SERGEF: variants seen among roughly 807,000 people sequenced by gnomAD.
SERGEF encodes secretion-regulating guanine nucleotide exchange factor.
A neutral mutation model predicts 50.0 loss-of-function variants in SERGEF; 51 were observed. That is an observed-to-expected ratio of 1.02 (90% CI 0.81 to 1.29). The LOEUF is 1.29. SERGEF is among the 50% of genes most tolerant of loss of function. SERGEF has a pLI of 0.00. For missense variants in SERGEF, 521 were observed against 557.0 expected (o/e 0.94, Z 0.65); for synonymous variants, 205 against 212.4 (o/e 0.97, Z 0.30).
chr11:17,960,035 C>T (rs564310041), intron 8 of SERGEF, among the ~76,000 whole-genome samples: 3 of 152,208 alleles, frequency 2.0e-5, no homozygotes, highest in Non-Finnish European at 4.4e-5. Context: ...TCCTCTCCCC[C>T]ACCCAACCCA....
intron 10 of SERGEF, among the ~76,000 whole-genome samples, chr11:17,801,288 T>C (rs1849665701): frequency 6.6e-6 from 1 of 151,900 alleles, no homozygotes. Flanking sequence ...GCTGAGAAGC[T>C]AGAGAGGGTT....
intron 8 of SERGEF, among the ~76,000 whole-genome samples, chr11:17,962,680 T>C (rs1019997683): frequency 6.6e-6 from 1 of 152,064 alleles, no homozygotes; most frequent in Non-Finnish European, 1.5e-5. Flanking sequence ...AAGTATAGAC[T>C]GCAAAAGATA....
chr11:18,006,831 G>A lies in SERGEF; in HGVS notation c.197-85C>T, dbSNP rs182887331. 7 of 1,489,654 alleles carry A rather than the reference G, an allele frequency of 4.7e-6. No homozygotes were observed. The African/African-American group carries it at 7.0e-5, about 15-fold the overall frequency. The allele number at this position is 1,489,654 out of a possible 1,614,324, so 92.3% of individuals were successfully genotyped here. ...AACAAAAAGATTTCACTAATTATTT[G>A]GACTCTCAGACCAATAACTTTTTTT... On this transcript the variant is annotated intron_variant, in intron 2 of 10. Coordinates refer to ENST00000265965, the MANE Select transcript of SERGEF (RefSeq NM_012139.4).
At chr11:17,887,396 T>G in intron 9 of SERGEF, among the ~76,000 whole-genome samples, 1 of 152,188 alleles carries the variant, frequency 6.6e-6, no homozygotes. Context: ...CTTAAGTTAC[T>G]CAGTACTTGT....
chr11:17,859,510 A>T (rs1850886561), intron 10 of SERGEF, among the ~76,000 whole-genome samples: 1 of 152,190 alleles, frequency 6.6e-6, no homozygotes, highest in South Asian at 2.1e-4. Context: ...AAGAAAAATA[A>T]GGAAAAAATT....
At chr11:17,929,107 T>C (rs906649389) in intron 9 of SERGEF, among the ~76,000 whole-genome samples, 4 of 152,220 alleles carry the variant, frequency 2.6e-5, no homozygotes, top group Admixed American at 2.6e-4. Context: ...TTTGTGAATA[T>C]AAAATCACTT....
chr11:17,914,873 A>T (rs751207097), intron 9 of SERGEF, among the ~76,000 whole-genome samples: 1 of 152,220 alleles, frequency 6.6e-6, no homozygotes, highest in African/African-American at 2.4e-5. Flanking sequence ...GCTCTCATGG[A>T]GTTTAAATTC....
intron 9 of SERGEF, among the ~76,000 whole-genome samples, chr11:17,941,048 C>T (rs1852553901): frequency 6.6e-6 from 1 of 152,162 alleles, no homozygotes; most frequent in African/African-American, 2.4e-5. Flanking sequence ...CACTCATATT[C>T]CTACTACCTA....
chr11:17,942,631 C>T, intron 9 of SERGEF, among the ~76,000 whole-genome samples: 1 of 152,060 alleles, frequency 6.6e-6, no homozygotes, highest in Non-Finnish European at 1.5e-5. Context: ...TGGCTAGAAC[C>T]TCCATCCAGT....
intron 9 of SERGEF, among the ~76,000 whole-genome samples, chr11:17,921,316 G>A (rs1018130612): frequency 6.6e-6 from 1 of 152,216 alleles, no homozygotes; most frequent in South Asian, 2.1e-4. Flanking sequence ...ACAGAAGGAT[G>A]ATAATGAAAG....
At chr11:17,919,588 T>C (rs528205542) in intron 9 of SERGEF, among the ~76,000 whole-genome samples, 16 of 152,202 alleles carry the variant, frequency 1.1e-4, no homozygotes, top group African/African-American at 2.9e-4. Context: ...GCAAGATGCA[T>C]TATAGATATC....
chr11:17,923,014 G>A (rs749001835), intron 9 of SERGEF, among the ~76,000 whole-genome samples: 2 of 152,120 alleles, frequency 1.3e-5, no homozygotes, highest in African/African-American at 2.4e-5. Flanking sequence ...TAATGACCAC[G>A]GGGCCAGCCC....
chr11:17,806,399 G>A (rs1341133342), intron 10 of SERGEF, among the ~76,000 whole-genome samples: 1 of 152,174 alleles, frequency 6.6e-6, no homozygotes, highest in Non-Finnish European at 1.5e-5. Flanking sequence ...TACTATTTCT[G>A]TTATCTCATT....
intron 10 of SERGEF, among the ~76,000 whole-genome samples, chr11:17,825,986 G>A (rs1850184996): frequency 6.6e-6 from 1 of 152,148 alleles, no homozygotes; most frequent in Non-Finnish European, 1.5e-5. Context: ...AATTTTGGGG[G>A]CTTTAGCAGC....
chr11:17,932,274 C>T (rs979582709), intron 9 of SERGEF, among the ~76,000 whole-genome samples: 7 of 152,172 alleles, frequency 4.6e-5, no homozygotes, highest in Admixed American at 2.0e-4. Context: ...CTGTGTGGTG[C>T]TTCATTTCCA....
intron 10 of SERGEF, among the ~76,000 whole-genome samples, chr11:17,842,694 A>G (rs1166921911): frequency 3.3e-5 from 5 of 152,202 alleles, no homozygotes; most frequent in Admixed American, 3.3e-4. Context: ...GTGATGTCAA[A>G]GGACTGAAGC....
chr11:17,836,465 G>C (rs1042950427), intron 10 of SERGEF, among the ~76,000 whole-genome samples: 2 of 152,180 alleles, frequency 1.3e-5, no homozygotes, highest in African/African-American at 4.8e-5. Flanking sequence ...GGATTTGATT[G>C]GTTAGTATTC....
intron 10 of SERGEF, among the ~76,000 whole-genome samples, chr11:17,871,906 G>A (rs1021689764): frequency 5.9e-5 from 9 of 152,120 alleles, no homozygotes; most frequent in African/African-American, 2.2e-4. Flanking sequence ...ATATGAACTA[G>A]AATTCCTAGT....
chr11:17,934,666 T>C (rs988937469), intron 9 of SERGEF, among the ~76,000 whole-genome samples: 7 of 152,198 alleles, frequency 4.6e-5, no homozygotes, highest in Admixed American at 1.3e-4. Context: ...TCAGGCTGTG[T>C]GACATTTGTA....
Sources: allele counts gnomAD v4.1 joint callset (sites outside exome capture counted in the v4.1 genomes callset), GRCh38; gene constraint gnomAD v4.1.1; transcripts MANE v1.5; gene names NCBI Gene and HGNC (gene_info 2026-07-23, HGNC 2026-07-21).